FBLN7: variants seen among roughly 807,000 people sequenced by gnomAD.
The protein encoded by FBLN7 is fibulin 7.
Under a neutral mutation model 44.0 loss-of-function variants are expected in FBLN7, and 31 were observed. The ratio of observed to expected loss-of-function variants is 0.70; its 90% confidence interval spans 0.53 to 0.95. The LOEUF (loss-of-function observed/expected upper bound fraction) is 0.95, where lower values mean the gene tolerates loss of function less well. Ranked by LOEUF, FBLN7 falls within the 40% of genes least tolerant of loss-of-function variation. The probability of loss-of-function intolerance (pLI) is 0.00; values close to 1 mark genes in which losing one functional copy is unlikely to be tolerated. For synonymous variants in FBLN7, 262 were observed against 253.4 expected, an observed-to-expected ratio of 1.03 and a Z score of -0.32; for missense variants, 573 against 618.5, an observed-to-expected ratio of 0.93 and a Z score of 0.78.
In FBLN7 at chr2:112,159,731, TG is replaced by T. The variant is rs780114583; in HGVS notation, c.132del (p.Lys45ArgfsTer14). ...LSAIRQLQQL[L>X]KGQETRFAEG... ...GCCATCCGCCAGCTGCAGCAGCTGC[TG>T]AAGGGCCAGGAGACACGCTTCGCCG... On this transcript the variant is annotated frameshift_variant, in exon 2 of 8. Coordinates refer to ENST00000331203, the MANE Select transcript of FBLN7 (RefSeq NM_153214.3). LOFTEE classifies it high-confidence loss of function. 1 of 1,590,486 alleles carries T rather than the reference TG, an allele frequency of 6.3e-7. No homozygotes were observed. Among genetic ancestry groups the T allele is most frequent in the Non-Finnish European group, 8.6e-7 (1 of 1,168,518 alleles).
the FBLN7 span, chr2:112,213,775 C>CAGAA: frequency 4.2e-5 from 1 of 24,066 alleles, no homozygotes; most frequent in African/African-American, 2.0e-4. Flanking sequence ...GACTCCGTCT[C>CAGAA]AAAAAAAAAA....
rs1011455415 is a variant in FBLN7 at position 112,145,251 on chromosome 2, G to A, written c.75+6521G>A. Among the ~76,000 whole-genome samples, 4 of 152,258 alleles carry A rather than the reference G, an allele frequency of 2.6e-5. No homozygotes were observed. In the South Asian group the frequency reaches 6.2e-4, roughly 24 times the overall value. On this transcript the variant is annotated intron_variant, in intron 1 of 7. Transcript: ENST00000331203. ...TGCCAAATAGTCTATTGGGCAAAAC[G>A]TCTGTTCGAGCCTTCTGCCCATTTA...
At chr2:112,183,770 T>C (rs1401701996) in intron 6 of FBLN7, among the ~76,000 whole-genome samples, 1 of 152,108 alleles carries the variant, frequency 6.6e-6, no homozygotes, top group African/African-American at 2.4e-5. Flanking sequence ...GGCTGATTCC[T>C]GGCAGAGTGG....
downstream of FBLN7, among the ~76,000 whole-genome samples, chr2:112,190,926 ATGC>A: frequency 6.6e-6 from 1 of 152,310 alleles, no homozygotes; most frequent in African/African-American, 2.4e-5. Flanking sequence ...ACATGAGTTC[ATGC>A]TGATACTTCC....
At chr2:112,139,149 C>T (rs1277003340) in intron 1 of FBLN7, among the ~76,000 whole-genome samples, 3 of 92,618 alleles carry the variant, frequency 3.2e-5, no homozygotes, top group African/African-American at 1.6e-4. Flanking sequence ...CGCCTCTCTC[C>T]ACGCCAGTGT....
the FBLN7 span, among the ~76,000 whole-genome samples, chr2:112,209,726 G>T: frequency 6.6e-6 from 1 of 152,048 alleles, no homozygotes; most frequent in East Asian, 1.9e-4. Context: ...CAGGATGTAG[G>T]AACCCTATAT....
chr2:112,180,750 C>A (rs1682939715), intron 4 of FBLN7, among the ~76,000 whole-genome samples: 2 of 151,772 alleles, frequency 1.3e-5, no homozygotes, highest in Non-Finnish European at 2.9e-5. Context: ...GAAACCCCGT[C>A]TCTACTAAAA....
chr2:112,163,235 C>T (rs1681970914), intron 2 of FBLN7, among the ~76,000 whole-genome samples: 1 of 152,220 alleles, frequency 6.6e-6, no homozygotes, highest in African/African-American at 2.4e-5. Flanking sequence ...ATCCTGCCAG[C>T]TGCACTCCTG....
At chr2:112,235,983 C>T in the FBLN7 span, among the ~76,000 whole-genome samples, 1 of 149,434 alleles carries the variant, frequency 6.7e-6, no homozygotes, top group Non-Finnish European at 1.5e-5. Flanking sequence ...CACAGTGGCT[C>T]ATGCCTGTAA....
chr2:112,238,249 C>G, the FBLN7 span: 27 of 1,486,456 alleles, frequency 1.8e-5, no homozygotes, highest in African/African-American at 2.2e-4. Context: ...ATCCTCTGTC[C>G]GTATATGGAC....
At chr2:112,234,167 T>C in the FBLN7 span, 2 of 1,608,964 alleles carry the variant, frequency 1.2e-6, no homozygotes, top group Non-Finnish European at 1.7e-6. Flanking sequence ...TGTTTTCCCT[T>C]GCGTTCCACT....
Position 112,165,020 on chromosome 2 carries a change from C to A in FBLN7, c.255C>A (p.Asn85Lys), listed in dbSNP as rs775825338. The change falls in exon 3 of 8, where the codon AAC (asparagine) becomes AAA (lysine). Residue 85 changes from asparagine to lysine, a missense_variant. By Grantham distance (94) the Asn-to-Lys change is moderately conservative. Coordinates refer to ENST00000331203, the MANE Select transcript of FBLN7 (RefSeq NM_153214.3). ...DALPVSCPAL[N>K]TPADGRKFGS... ...TTACAGTTTCCTGCCCGGCTCTGAACACCCCCGCAGACGGCAGAAAGTTTG... is the reference window on the plus strand; with the variant it reads ...TTACAGTTTCCTGCCCGGCTCTGAAAACCCCCGCAGACGGCAGAAAGTTTG... The A allele has an allele frequency of 1.9e-6, 3 of 1,614,102 alleles. No individual in the cohort carries two copies. In the East Asian group the frequency reaches 6.7e-5, roughly 36 times the overall value.
Position 112,156,370 on chromosome 2 carries a change from CTCTA to C in FBLN7, c.76-3304_76-3301del, listed in dbSNP as rs1681423462. 2.0e-5 allele frequency among the ~76,000 whole-genome samples: 3 copies of C among 151,380 alleles called. No homozygotes were observed. The South Asian group carries it at 6.2e-4, about 31-fold the overall frequency. ...TTTGACTTTCAGCCTCCATATCTTT[CTCTA>C]TGAAATGGAGACAAGCCCCGTTTCT... is the stretch of plus-strand genomic sequence containing the variant. On this transcript the variant is annotated intron_variant, in intron 1 of 7. Transcript: ENST00000331203.
chr2:112,239,579 CTTT>C, the FBLN7 span, among the ~76,000 whole-genome samples: 4 of 86,484 alleles, frequency 4.6e-5, no homozygotes, highest in South Asian at 7.3e-4. Flanking sequence ...TAACAGTTTA[CTTT>C]TTTTTTTTTT....
the FBLN7 span, among the ~76,000 whole-genome samples, chr2:112,242,275 A>G: frequency 3.3e-5 from 5 of 152,126 alleles, no homozygotes; most frequent in Non-Finnish European, 5.9e-5. Flanking sequence ...GGTTGAAACA[A>G]AAGAAATCAA....
intron 3 of FBLN7, among the ~76,000 whole-genome samples, chr2:112,170,152 GA>G (rs1682379978): frequency 6.6e-6 from 1 of 152,168 alleles, no homozygotes; most frequent in African/African-American, 2.4e-5. Context: ...TGAGGCAGAA[GA>G]ATCGCTTGAA....
chr2:112,196,426 G>C, the FBLN7 span, among the ~76,000 whole-genome samples: 1 of 136,826 alleles, frequency 7.3e-6, no homozygotes, highest in African/African-American at 2.7e-5. Flanking sequence ...CTGTCACCCA[G>C]GCTGGAGTGC....
At position 112,187,687 on chromosome 2, in the gene FBLN7, A is replaced by C; in HGVS notation, c.*181A>C. Reference sequence around the variant, plus strand: ...AATAGCACGGAAGAGCAGCCACAAAACTCAACTGCTGCCATCACTCTTTTT... The same window carrying C: ...AATAGCACGGAAGAGCAGCCACAAACCTCAACTGCTGCCATCACTCTTTTT... On this transcript the variant is annotated 3_prime_UTR_variant, in exon 8 of 8. Coordinates refer to ENST00000331203, the MANE Select transcript of FBLN7 (RefSeq NM_153214.3). This position sits in a 1 kb window ranked among gnomAD's most constrained non-coding sequence, Gnocchi z 5.1. 1.4e-6 allele frequency: 1 copy of C among 706,832 alleles called. No individual in the cohort carries two copies. The highest frequency in any genetic ancestry group is 2.1e-5 in the South Asian group (1 of 48,188). 43.8% of individuals were successfully genotyped at this position (706,832 alleles called of 1,614,324 possible).
At chr2:112,145,050 C>T (rs1026803847) in intron 1 of FBLN7, among the ~76,000 whole-genome samples, 1 of 152,134 alleles carries the variant, frequency 6.6e-6, no homozygotes, top group African/African-American at 2.4e-5. Context: ...TTAGTTTTAC[C>T]GCTTTACATT....
Sources: allele counts gnomAD v4.1 joint callset (sites outside exome capture counted in the v4.1 genomes callset), GRCh38; gene constraint gnomAD v4.1.1; non-coding constraint Gnocchi (gnomAD v3.1); transcripts MANE v1.5; gene names NCBI Gene and HGNC (gene_info 2026-07-23, HGNC 2026-07-21).